ZFHX3: variants seen among roughly 807,000 people sequenced by gnomAD.
ZFHX3 encodes zinc finger homeobox protein 3.
ZFHX3 carries 42 observed loss-of-function variants against 279.1 expected under a neutral mutation model. The observed-to-expected ratio is 0.15, with a 90% CI of 0.12 to 0.19. ZFHX3 has a LOEUF of 0.19. ZFHX3 is among the 10% of genes least tolerant of loss of function. The pLI, the probability that ZFHX3 is intolerant of heterozygous loss-of-function variation, is 1.00. For synonymous variants in ZFHX3, 2,293 were observed against 1,957.8 expected (o/e 1.17, Z -4.52); for missense variants, 4,981 against 4,754.0 (o/e 1.05, Z -1.40).
intron 4 of ZFHX3, among the ~76,000 whole-genome samples, chr16:72,884,430 G>A (rs1246072784): frequency 6.6e-6 from 1 of 152,188 alleles, no homozygotes; most frequent in Non-Finnish European, 1.5e-5. Context: ...TGCCTGAGCT[G>A]GTCTAGTCAT....
chr16:73,597,094 A>G (rs1232574975), intron 2 of ZFHX3, among the ~76,000 whole-genome samples: 1 of 152,170 alleles, frequency 6.6e-6, no homozygotes, highest in Non-Finnish European at 1.5e-5. Context: ...TCATATTTCA[A>G]GGTTGTGTGC....
At chr16:73,765,947 C>A (rs976931971) in intron 1 of ZFHX3, among the ~76,000 whole-genome samples, 2 of 152,278 alleles carry the variant, frequency 1.3e-5, no homozygotes, top group South Asian at 4.1e-4. Flanking sequence ...AGAATAAAGC[C>A]TGAGGCTTAC....
At chr16:73,843,217 C>T (rs897546220) in intron 1 of ZFHX3, among the ~76,000 whole-genome samples, 3 of 152,120 alleles carry the variant, frequency 2.0e-5, no homozygotes, top group African/African-American at 2.4e-5. Flanking sequence ...TAGTGGGGAA[C>T]GGAGAACAAA....
chr16:73,589,144 C>A (rs2051961858), intron 2 of ZFHX3, among the ~76,000 whole-genome samples: 1 of 151,076 alleles, frequency 6.6e-6, no homozygotes, highest in Non-Finnish European at 1.5e-5. Flanking sequence ...CCTGTAATCC[C>A]AGCTACTCAG....
At chr16:73,034,641 A>G (rs1964835380) in intron 1 of ZFHX3, among the ~76,000 whole-genome samples, 1 of 152,196 alleles carries the variant, frequency 6.6e-6, no homozygotes, top group South Asian at 2.1e-4. Flanking sequence ...GATTTCAGTA[A>G]TATACATGAA....
intron 1 of ZFHX3, among the ~76,000 whole-genome samples, chr16:73,029,589 C>T (rs1265716406): frequency 2.6e-5 from 4 of 152,210 alleles, no homozygotes; most frequent in South Asian, 2.1e-4. Context: ...AGAGAGAAAA[C>T]AGCATTTATC....
Position 72,957,788 on chromosome 16 carries a change from G to C in ZFHX3, c.2358C>G (p.Ile786Met), listed in dbSNP as rs767644234. 6.2e-7 allele frequency: 1 copy of C among 1,612,620 alleles called. No individual in the cohort carries two copies. The highest frequency in any genetic ancestry group is 8.5e-7 in the Non-Finnish European group (1 of 1,179,250). ...AVAAAAAAAN[I>M]SSSCGAPSPT... is the part of the protein sequence containing the mutation. ...GCGAGGGGGCCCCGCAGGAGCTACT[G>C]ATATTGGCTGCCGCCGCCGCCGCAG... The change falls in exon 2 of 10, where the codon ATC (isoleucine) becomes ATG (methionine). Residue 786 changes from isoleucine (I) to methionine (M), a missense_variant. By Grantham distance (10) the Ile-to-Met change is conservative. Transcript: ENST00000268489.
chr16:72,837,552 T>C (rs1173798746), intron 4 of ZFHX3, among the ~76,000 whole-genome samples: 1 of 150,500 alleles, frequency 6.6e-6, no homozygotes, highest in Non-Finnish European at 1.5e-5. Flanking sequence ...AATCATCACT[T>C]ACTGTAGCCT....
intron 2 of ZFHX3, chr16:73,486,732 G>C: frequency 2.2e-6 from 1 of 452,552 alleles, no homozygotes; most frequent in African/African-American, 2.0e-5. Context: ...GGTCTCTCTT[G>C]CTCATTTTTT....
intron 1 of ZFHX3, among the ~76,000 whole-genome samples, chr16:73,693,551 C>T (rs79017333): frequency 0.077 from 11,673 of 151,802 alleles, 545 homozygotes; most frequent in Non-Finnish European, 0.1. Context: ...CTATGTCCTG[C>T]GCTTTCATGA....
chr16:73,366,528 T>C (rs1160394615), intron 3 of ZFHX3, among the ~76,000 whole-genome samples: 6 of 150,978 alleles, frequency 4.0e-5, no homozygotes, highest in Admixed American at 2.0e-4. Flanking sequence ...GCCCAGGAGT[T>C]TGAGACCAGC....
intron 1 of ZFHX3, among the ~76,000 whole-genome samples, chr16:72,985,332 A>C (rs1410177046): frequency 6.6e-6 from 1 of 152,232 alleles, no homozygotes; most frequent in Non-Finnish European, 1.5e-5. Context: ...CCAGACATCC[A>C]GGGGAACCTG....
At chr16:73,851,276 G>A (rs938964093) in intron 1 of ZFHX3, among the ~76,000 whole-genome samples, 3 of 152,154 alleles carry the variant, frequency 2.0e-5, no homozygotes, top group African/African-American at 7.2e-5. Flanking sequence ...TTCTACCAGA[G>A]GTGCGGTCAC....
At chr16:73,838,455 T>C (rs1961202646) in intron 1 of ZFHX3, among the ~76,000 whole-genome samples, 1 of 152,168 alleles carries the variant, frequency 6.6e-6, no homozygotes, top group South Asian at 2.1e-4. Context: ...AATTTCTACA[T>C]GGTAAAATCA....
intron 2 of ZFHX3, among the ~76,000 whole-genome samples, chr16:73,595,836 G>A (rs1485703193): frequency 6.6e-6 from 1 of 152,006 alleles, no homozygotes; most frequent in Non-Finnish European, 1.5e-5. Context: ...GCCATCTATG[G>A]CACCTTCCTC....
chr16:73,121,762 C>T (rs1186833187), intron 7 of ZFHX3, among the ~76,000 whole-genome samples: 2 of 151,856 alleles, frequency 1.3e-5, no homozygotes, highest in Non-Finnish European at 2.9e-5. Context: ...ACTACAGGCG[C>T]CTGCCACCAC....
rs547611984 is a variant in ZFHX3, at chr16:72,811,993, G to C, written c.3575C>G (p.Thr1192Ser). The C allele has an allele frequency of 6.2e-7, 1 of 1,614,056 alleles. No individual in the cohort carries two copies. The highest frequency in any genetic ancestry group is 8.5e-7 in the Non-Finnish European group (1 of 1,180,034). The part of the protein sequence containing the change: ...AEKELTDSPA[T>S]SKRISFPGSS... Reference sequence around the variant, plus strand: ...ACCTGGGAAGGAGATGCGTTTGGAGGTTGCAGGAGAATCTGTCAGCTCCTT... The same window carrying C: ...ACCTGGGAAGGAGATGCGTTTGGAGCTTGCAGGAGAATCTGTCAGCTCCTT... The change falls in exon 6 of 10, where the codon ACC (threonine) becomes AGC (serine). Residue 1192 changes from threonine to serine, a missense_variant. Around this residue, in one of 7 missense-constraint regions of ZFHX3, gnomAD observed 1,751 missense variants for 1,770.0 expected, o/e 0.99. Coordinates refer to ENST00000268489, the MANE Select transcript of ZFHX3 (RefSeq NM_006885.4).
chr16:73,545,399 A>T (rs1443431115), intron 2 of ZFHX3, among the ~76,000 whole-genome samples: 1 of 152,166 alleles, frequency 6.6e-6, no homozygotes. Context: ...CAGCATTAGC[A>T]CAGCGCTGGG....
At chr16:73,122,894 T>G (rs1040645856) in intron 7 of ZFHX3, among the ~76,000 whole-genome samples, 1 of 152,050 alleles carries the variant, frequency 6.6e-6, no homozygotes, top group Admixed American at 6.6e-5. Context: ...GGAGTTAAAA[T>G]GTATAACAAG....
Sources: gnomAD v4.1 joint callset for allele counts (sites outside exome capture counted in the v4.1 genomes callset) on GRCh38, gnomAD v4.1.1 for gene constraint, gnomAD v4.1.1 regional missense constraint, MANE v1.5 for transcripts, NCBI Gene and HGNC (gene_info 2026-07-23, HGNC 2026-07-21) for gene names.